Variants in RRBP1 observed in about 807,000 individuals in gnomAD.
RRBP1 encodes the protein ribosome-binding protein 1.
In RRBP1, 94 loss-of-function variants were observed where a neutral mutation model predicts 165.2. The observed-to-expected ratio is 0.57, with a 90% CI of 0.48 to 0.68. The LOEUF (loss-of-function observed/expected upper bound fraction) is 0.68. RRBP1 is among the 30% of genes least tolerant of loss of function. The probability of loss-of-function intolerance (pLI) is 0.00; values close to 1 mark genes in which losing one functional copy is unlikely to be tolerated. For synonymous variants in RRBP1, 680 were observed against 714.5 expected, an observed-to-expected ratio of 0.95 and a Z score of 0.77; for missense variants, 1,676 against 1,763.0, an observed-to-expected ratio of 0.95 and a Z score of 0.88.
At chr20:17,631,399 T>G (rs990248942) in intron 8 of RRBP1, among the ~76,000 whole-genome samples, 4 of 152,242 alleles carry the variant, frequency 2.6e-5, no homozygotes, top group African/African-American at 9.6e-5. Flanking sequence ...TAACATTGAT[T>G]AGAACTCTGA....
chr20:17,616,660 C>T (rs935123749), intron 21 of RRBP1, 72 bp downstream of exon 21: 11 of 1,053,526 alleles, frequency 1.0e-5, no homozygotes, highest in East Asian at 4.9e-5. Context: ...GGGTTTAGTC[C>T]GAACGGAGGC....
Position 17,658,905 on chromosome 20 carries a change from T to C in RRBP1, c.1603A>G (p.Asn535Asp). ...AQGKKAERSPNQGKKGEGAPI... is the reference protein window; with the variant it reads ...AQGKKAERSPDQGKKGEGAPI... ...GCTCCCTCTCCTTTTTTGCCTTGGT[T>C]GGGACTCCTTTCTGCCTTTTTGCCC... Residue 535 changes from asparagine to aspartate, a missense_variant, in exon 3 of 25, where the codon AAC becomes GAC. Around this residue, in one of 5 missense-constraint regions of RRBP1, gnomAD observed 1,184 missense variants for 1,167.1 expected, o/e 1.01. Transcript: ENST00000377813. The C allele has an allele frequency of 6.2e-7, 1 of 1,613,458 alleles. No individual in the cohort carries two copies. The highest frequency in any genetic ancestry group is 8.5e-7 in the Non-Finnish European group (1 of 1,179,898).
In RRBP1 at chr20:17,659,675, T is replaced by A. The variant is rs1394009160; in HGVS notation, c.833A>T (p.Gln278Leu). ...QGKKVDTTPN[Q>L]GKKVEGAPTQ... The stretch of plus-strand genomic sequence containing the variant: ...TGGGGCCCCCTCCACCTTTTTCCCC[T>A]GGTTTGGGGTTGTATCTACCTTTTT... The change falls in exon 3 of 25, where the codon CAG (glutamine) becomes CTG (leucine). Residue 278 changes from glutamine (Q) to leucine (L), a missense_variant. Gln to Leu is a moderately radical substitution (Grantham distance 113). This residue lies in a region of RRBP1 where 392 missense variants were observed against 382.5 expected (regional missense o/e 1.02). Transcript: ENST00000377813. 6.4e-7 allele frequency: 1 copy of A among 1,550,508 alleles called. No homozygotes were observed. Among genetic ancestry groups the A allele is most frequent in the South Asian group, 1.2e-5 (1 of 84,056 alleles).
At chr20:17,642,267 C>G (rs973023187) in intron 4 of RRBP1, among the ~76,000 whole-genome samples, 1 of 152,244 alleles carries the variant, frequency 6.6e-6, no homozygotes, top group Non-Finnish European at 1.5e-5. Context: ...AGGCCTCTGG[C>G]TGCAGTATGG....
At position 17,615,944 on chromosome 20, in the gene RRBP1, G is replaced by T. The variant is rs763341205; in HGVS notation, c.3933C>A (p.Leu1311=). ...GCCTGACCTCCTCAAACTCGGCCGTGAGCTTCTGCCGCTGTGTCTGCTCAT... is the reference window on the plus strand; with the variant it reads ...GCCTGACCTCCTCAAACTCGGCCGTTAGCTTCTGCCGCTGTGTCTGCTCAT... ...LEDEQTQRQK[L]TAEFEEAQTS... Residue 1311 remains leucine (L), a synonymous_variant, in exon 22 of 25, where the codon CTC becomes CTA. Transcript: ENST00000377813. 6.2e-7 allele frequency: 1 copy of T among 1,610,212 alleles called. No individual in the cohort carries two copies. Among genetic ancestry groups the T allele is most frequent in the South Asian group, 1.1e-5 (1 of 91,074 alleles).
At chr20:17,624,331 C>T (rs1196283968) in intron 13 of RRBP1, among the ~76,000 whole-genome samples, 1 of 152,176 alleles carries the variant, frequency 6.6e-6, no homozygotes. Flanking sequence ...TGTCCTAGTG[C>T]GTCTGTACGT....
chr20:17,621,365 A>G, intron 16 of RRBP1, 93 bp downstream of exon 16: 2 of 951,436 alleles, frequency 2.1e-6, no homozygotes, highest in South Asian at 2.9e-5. Flanking sequence ...GGCTTTTCCA[A>G]AACACCAGGC....
intron 1 of RRBP1, among the ~76,000 whole-genome samples, chr20:17,680,368 G>GT (rs2037158560): frequency 6.6e-6 from 1 of 152,150 alleles, no homozygotes; most frequent in African/African-American, 2.4e-5. Flanking sequence ...TCTAATGTGA[G>GT]ATATGAGGCC....
intron 13 of RRBP1, among the ~76,000 whole-genome samples, chr20:17,622,595 C>G (rs983505657): frequency 6.6e-6 from 1 of 151,934 alleles, no homozygotes; most frequent in East Asian, 1.9e-4. Context: ...CATGCTGGGT[C>G]GGACACCCCC....
chr20:17,633,284 C>A (rs750931775), intron 8 of RRBP1, among the ~76,000 whole-genome samples, 176 bp downstream of exon 8: 2 of 152,212 alleles, frequency 1.3e-5, no homozygotes, highest in African/African-American at 2.4e-5. Context: ...TAACTACTAC[C>A]AAGGAGACTA....
At position 17,615,426 on chromosome 20, in the gene RRBP1, C is replaced by T; in HGVS notation, c.4050+5G>A. 5 of 1,605,616 alleles carry T rather than the reference C, an allele frequency of 3.1e-6. No individual in the cohort carries two copies. The highest frequency in any genetic ancestry group is 3.4e-6 in the Non-Finnish European group (4 of 1,175,996). Reference sequence around the variant, plus strand: ...GGTGTGACCCCCGCCCCAGCCCCTGCCTGCCTTCAGCTGTGAGGCCTCCTC... The same window carrying T: ...GGTGTGACCCCCGCCCCAGCCCCTGTCTGCCTTCAGCTGTGAGGCCTCCTC... On this transcript the variant is annotated splice_donor_5th_base_variant and intron_variant, in intron 23 of 24. Coordinates refer to ENST00000377813, the MANE Select transcript of RRBP1 (RefSeq NM_001365613.2).
intron 2 of RRBP1, among the ~76,000 whole-genome samples, chr20:17,678,218 T>A (rs1160063359): frequency 6.6e-6 from 1 of 152,236 alleles, no homozygotes; most frequent in Admixed American, 6.5e-5. Flanking sequence ...ATTTTCTATA[T>A]GCTAAGTGAG....
Position 17,659,987 on chromosome 20 carries a change from G to A in RRBP1, c.521C>T (p.Pro174Leu), listed in dbSNP as rs763573333. ...TSKAAILETA[P>L]KEVPMVVVPP... ...CACCACCACCATCGGCACCTCCTTG[G>A]GAGCAGTTTCCAAGATGGCAGCCTT... is the stretch of plus-strand genomic sequence containing the variant. Residue 174 changes from proline to leucine, a missense_variant, in exon 3 of 25, where the codon CCC (proline) becomes CTC (leucine). This residue lies in a region of RRBP1 where 392 missense variants were observed against 382.5 expected (regional missense o/e 1.02). Transcript: ENST00000377813. The A allele has an allele frequency of 9.9e-6, 16 of 1,610,254 alleles. No homozygotes were observed. In the East Asian group the frequency reaches 3.6e-4, roughly 36 times the overall value.
chr20:17,618,648 T>C lies in RRBP1; in HGVS notation c.3707A>G (p.Gln1236Arg). 6.2e-7 allele frequency: 1 copy of C among 1,613,834 alleles called. No homozygotes were observed. The highest frequency in any genetic ancestry group is 2.2e-5 in the East Asian group (1 of 44,880). The change falls in exon 20 of 25, where the codon CAG becomes CGG. Residue 1236 changes from glutamine to arginine, a missense_variant. Physicochemically the swap from Gln to Arg is conservative, Grantham distance 43. Around this residue, in one of 5 missense-constraint regions of RRBP1, gnomAD observed 1,184 missense variants for 1,167.1 expected, o/e 1.01. Coordinates refer to ENST00000377813, the MANE Select transcript of RRBP1 (RefSeq NM_001365613.2). ...LRQLLLESQS[Q>R]LDAAKSEAQK... ...GGCTTCGCTCTTGGCGGCATCGAGC[T>C]GAGATTGAGATTCTAGGAGAAGTTG...
intron 2 of RRBP1, among the ~76,000 whole-genome samples, chr20:17,673,478 G>A (rs533659185): frequency 7.9e-5 from 12 of 152,180 alleles, no homozygotes; most frequent in African/African-American, 1.7e-4. Context: ...GTACGATCCC[G>A]GCTCACTGCA....
At position 17,658,868 on chromosome 20, in the gene RRBP1, C is replaced by G; in HGVS notation, c.1640G>C (p.Gly547Ala). 23 of 1,613,846 alleles carry G rather than the reference C, an allele frequency of 1.4e-5. No individual in the cohort carries two copies. Among genetic ancestry groups the G allele is most frequent in the Non-Finnish European group, 1.9e-5 (23 of 1,179,906 alleles). Residue 547 changes from glycine to alanine, a missense_variant, in exon 3 of 25, where the codon GGC (glycine) becomes GCC (alanine). Physicochemically the swap from Gly to Ala is moderately conservative, Grantham distance 60. This residue lies in a region of RRBP1 where 1,184 missense variants were observed against 1,167.1 expected (regional missense o/e 1.01). Coordinates refer to ENST00000377813, the MANE Select transcript of RRBP1 (RefSeq NM_001365613.2). Reference sequence around the variant, plus strand: ...ATTAGCAACCGAATCTGCCTTTTTGCCCTGGATGGGAGCTCCCTCTCCTTT... The same window carrying G: ...ATTAGCAACCGAATCTGCCTTTTTGGCCTGGATGGGAGCTCCCTCTCCTTT... ...GKKGEGAPIQ[G>A]KKADSVANQG...
intron 5 of RRBP1, 109 bp from the exon 6 acceptor site, chr20:17,636,838 G>C (rs995342566): frequency 1.5e-6 from 2 of 1,355,998 alleles, no homozygotes; most frequent in African/African-American, 2.9e-5. Flanking sequence ...GCAGAGCACA[G>C]ACCCCTCCTG....
chr20:17,647,079 T>C (rs2036478363), intron 3 of RRBP1, among the ~76,000 whole-genome samples: 1 of 152,204 alleles, frequency 6.6e-6, no homozygotes, highest in African/African-American at 2.4e-5. Flanking sequence ...CACAAAAGGC[T>C]CCGGCTCAGC....
chr20:17,664,590 G>A (rs2036833453), intron 2 of RRBP1, among the ~76,000 whole-genome samples: 1 of 152,232 alleles, frequency 6.6e-6, no homozygotes, highest in South Asian at 2.1e-4. Context: ...CTGTTCTTAA[G>A]ATTCGGGGAA....
Sources: gnomAD v4.1 joint callset for allele counts (sites outside exome capture counted in the v4.1 genomes callset) on GRCh38, gnomAD v4.1.1 for gene constraint, gnomAD v4.1.1 regional missense constraint, MANE v1.5 for transcripts, NCBI Gene and HGNC (gene_info 2026-07-23, HGNC 2026-07-21) for gene names.